Variants in CNTN6 observed in about 807,000 individuals in gnomAD.
The protein encoded by CNTN6 is contactin 6.
CNTN6 carries 137 observed loss-of-function variants against 122.8 expected under a neutral mutation model. That is an observed-to-expected ratio of 1.12 (90% CI 0.97 to 1.29). CNTN6 has a LOEUF of 1.29. Among genes scored for constraint, CNTN6 ranks in the 50% most tolerant of loss-of-function variants. CNTN6 has a pLI of 0.00. For synonymous variants in CNTN6, 570 were observed against 426.0 expected, an observed-to-expected ratio of 1.34 and a Z score of -4.16; for missense variants, 1,634 against 1,223.4, an observed-to-expected ratio of 1.34 and a Z score of -5.01.
chr3:1,121,270 A>G (rs1368200794), intron 1 of CNTN6, among the ~76,000 whole-genome samples: 1 of 149,286 alleles, frequency 6.7e-6, no homozygotes, highest in Non-Finnish European at 1.5e-5. Context: ...CATTATTGAT[A>G]GGAGCTTCAG....
intron 12 of CNTN6, among the ~76,000 whole-genome samples, chr3:1,354,082 A>G (rs1396896612): frequency 6.6e-6 from 1 of 151,494 alleles, no homozygotes; most frequent in Admixed American, 6.6e-5. Context: ...CTTTGACATC[A>G]TAATATTCAC....
rs540232434 is a variant in CNTN6 at position 1,158,381 on chromosome 3, T to C, written c.55+10318T>C. ...ATTTGCCCATTTTTTAATCGCATTA[T>C]TAGATTTTTCCCTATGGAGTTGTTT... On this transcript the variant is annotated intron_variant, in intron 2 of 22. Transcript: ENST00000446702. 8.5e-5 allele frequency among the ~76,000 whole-genome samples: 13 copies of C among 152,338 alleles called. No homozygotes were observed. In the South Asian group the frequency reaches 2.7e-3, roughly 32 times the overall value.
At chr3:1,114,449 A>G (rs1485922815) in intron 1 of CNTN6, among the ~76,000 whole-genome samples, 2 of 152,202 alleles carry the variant, frequency 1.3e-5, no homozygotes, top group African/African-American at 4.8e-5. Flanking sequence ...TGCTTTTTCC[A>G]CTATTAATTC....
At chr3:1,367,318 A>T (rs530967500) in intron 12 of CNTN6, among the ~76,000 whole-genome samples, 275 of 151,114 alleles carry the variant, frequency 1.8e-3, no homozygotes, top group African/African-American at 6.4e-3. Flanking sequence ...CCTCCCTCCC[A>T]CCAGCCTCTG....
intron 2 of CNTN6, among the ~76,000 whole-genome samples, chr3:1,159,334 C>G (rs2093068059): frequency 6.6e-6 from 1 of 151,900 alleles, no homozygotes; most frequent in Non-Finnish European, 1.5e-5. Flanking sequence ...AGCGGGGGTG[C>G]ACTGGACAAA....
chr3:1,238,951 G>A (rs189158872), intron 4 of CNTN6, among the ~76,000 whole-genome samples: 2 of 152,046 alleles, frequency 1.3e-5, no homozygotes, highest in South Asian at 2.1e-4. Flanking sequence ...GAAATGAAGC[G>A]GGAGATATTA....
intron 4 of CNTN6, among the ~76,000 whole-genome samples, chr3:1,261,312 T>G (rs2094843030): frequency 6.6e-6 from 1 of 152,218 alleles, no homozygotes; most frequent in Non-Finnish European, 1.5e-5. Flanking sequence ...GGTAAATAGA[T>G]AGCAAAAGGA....
intron 12 of CNTN6, among the ~76,000 whole-genome samples, chr3:1,354,420 C>T (rs1279401445): frequency 6.7e-6 from 1 of 149,138 alleles, no homozygotes; most frequent in Non-Finnish European, 1.5e-5. Context: ...ATTTCTAGTG[C>T]TCTTTGCTGA....
rs150397473 is a variant in CNTN6 at position 1,176,845 on chromosome 3, A to G, written c.55+28782A>G. Among the ~76,000 whole-genome samples the G allele has an allele frequency of 2.6e-5, 4 of 152,284 alleles. No homozygotes were observed. The East Asian group carries it at 7.7e-4, about 30-fold the overall frequency. ...ATAAAGTATTAATGAGTCAAAATGTACTACACATGATCTCTAAATATCACT... is the reference window on the plus strand; with the variant it reads ...ATAAAGTATTAATGAGTCAAAATGTGCTACACATGATCTCTAAATATCACT... On this transcript the variant is annotated intron_variant, in intron 2 of 22. Transcript: ENST00000446702.
intron 5 of CNTN6, among the ~76,000 whole-genome samples, chr3:1,291,863 A>G (rs1258964751): frequency 6.6e-6 from 1 of 152,200 alleles, no homozygotes; most frequent in African/African-American, 2.4e-5. Context: ...GACTCAATAC[A>G]TGAGAACAGC....
intron 4 of CNTN6, among the ~76,000 whole-genome samples, chr3:1,254,084 T>G (rs7651415): frequency 0.022 from 3,336 of 152,284 alleles, 102 homozygotes; most frequent in African/African-American, 0.071. Context: ...AAAAATATTA[T>G]AAACAGATTT....
intron 17 of CNTN6, among the ~76,000 whole-genome samples, chr3:1,378,558 T>C (rs1023984298): frequency 9.2e-5 from 14 of 152,028 alleles, no homozygotes; most frequent in African/African-American, 2.4e-4. Context: ...ACTTGTTGAA[T>C]GGAAGGTAGT....
chr3:1,133,051 G>A (rs1159845349), intron 1 of CNTN6, among the ~76,000 whole-genome samples: 1 of 152,040 alleles, frequency 6.6e-6, no homozygotes, highest in South Asian at 2.1e-4. Context: ...ATGTATACAA[G>A]GACACATACA....
At chr3:1,197,071 G>A (rs548581649) in intron 2 of CNTN6, among the ~76,000 whole-genome samples, 12 of 152,276 alleles carry the variant, frequency 7.9e-5, no homozygotes, top group South Asian at 4.2e-4. Context: ...CATTATCTCT[G>A]AGACAAGAGA....
chr3:1,249,778 G>C (rs17036388), intron 4 of CNTN6, among the ~76,000 whole-genome samples: 8,977 of 152,182 alleles, frequency 0.059, 355 homozygotes, highest in East Asian at 0.15. Flanking sequence ...AGAGTTCTTA[G>C]TAGGGTATGT....
chr3:1,387,120 T>C (rs1693130328), intron 20 of CNTN6, among the ~76,000 whole-genome samples: 1 of 151,222 alleles, frequency 6.6e-6, no homozygotes, highest in Non-Finnish European at 1.5e-5. Context: ...ATTTATTAAA[T>C]AGAAATTATC....
rs1413050405 is a variant in CNTN6, at chr3:1,402,746, G to T, written c.2986+260G>T. The T allele has an allele frequency of 1.2e-5, 4 of 332,622 alleles. No individual in the cohort carries two copies. The South Asian group carries it at 2.3e-4, about 19-fold the overall frequency. The allele number at this position is 332,622 out of a possible 1,614,324, so 20.6% of individuals were successfully genotyped here. On this transcript the variant is annotated intron_variant, in intron 22 of 22. Coordinates refer to ENST00000446702, the MANE Select transcript of CNTN6 (RefSeq NM_001289080.2). Reference sequence around the variant, plus strand: ...ATCTTTGTGTCATTAGAGCATAATTGTATCACTCATTCTATTATCACAAAA... The same window carrying T: ...ATCTTTGTGTCATTAGAGCATAATTTTATCACTCATTCTATTATCACAAAA...
intron 2 of CNTN6, among the ~76,000 whole-genome samples, chr3:1,192,753 T>C (rs2093720996): frequency 6.6e-6 from 1 of 152,146 alleles, no homozygotes; most frequent in African/African-American, 2.4e-5. Context: ...ACACTCATTG[T>C]ACAGAAAGCC....
At chr3:1,123,228 A>T (rs1021518980) in intron 1 of CNTN6, among the ~76,000 whole-genome samples, 3 of 151,900 alleles carry the variant, frequency 2.0e-5, no homozygotes, top group African/African-American at 7.2e-5. Context: ...CTGCAATCAC[A>T]TGAGTAGTTA....
Sources: allele counts gnomAD v4.1 joint callset (sites outside exome capture counted in the v4.1 genomes callset), GRCh38; gene constraint gnomAD v4.1.1; transcripts MANE v1.5; gene names NCBI Gene and HGNC (gene_info 2026-07-23, HGNC 2026-07-21).